SYNPR: variants seen among roughly 807,000 people sequenced by gnomAD.
SYNPR encodes synaptoporin.
Under a neutral mutation model 32.9 loss-of-function variants are expected in SYNPR, and 23 were observed. The ratio of observed to expected loss-of-function variants is 0.70; its 90% CI spans 0.50 to 0.99. The LOEUF is 0.99. SYNPR is among the 50% of genes least tolerant of loss of function. SYNPR has a pLI of 0.00. For synonymous variants in SYNPR, 146 were observed against 135.9 expected, an observed-to-expected ratio of 1.07 and a Z score of -0.52; for missense variants, 318 against 349.3, an observed-to-expected ratio of 0.91 and a Z score of 0.71.
Position 63,469,517 on chromosome 3 carries a change from ACC to A in SYNPR, c.85-11314_85-11313del, listed in dbSNP as rs572078966. On this transcript the variant is annotated intron_variant, in intron 2 of 5. Transcript: ENST00000478300. Reference sequence around the variant, plus strand: ...GAAAAATACCAAGTTCAAAAACACTACCATAGGCAAGAAATTAATTCAGAAGA... The same window carrying A: ...GAAAAATACCAAGTTCAAAAACACTAATAGGCAAGAAATTAATTCAGAAGA... Among the ~76,000 whole-genome samples the A allele has an allele frequency of 2.0e-4, 31 of 152,334 alleles. 1 individual carries two copies. The highest frequency in any genetic ancestry group is 6.8e-3 in the Middle Eastern group (2 of 294).
chr3:63,399,184 G>A (rs184915065), intron 2 of SYNPR, among the ~76,000 whole-genome samples: 35 of 152,298 alleles, frequency 2.3e-4, no homozygotes, highest in Middle Eastern at 6.8e-3. Flanking sequence ...ATTCCTGCAA[G>A]AGGCCATCTG....
chr3:63,450,601 T>A (rs1411176337), intron 2 of SYNPR, among the ~76,000 whole-genome samples: 1 of 152,074 alleles, frequency 6.6e-6, no homozygotes, highest in Non-Finnish European at 1.5e-5. Context: ...AGGTTCCTGG[T>A]TTTTCAACTG....
At chr3:63,257,379 A>G (rs1025513411) in intron 2 of SYNPR, among the ~76,000 whole-genome samples, 5 of 152,214 alleles carry the variant, frequency 3.3e-5, no homozygotes, top group African/African-American at 1.2e-4. Flanking sequence ...CTCAGCAGAA[A>G]CTCTACAAGC....
chr3:63,350,100 G>A (rs992533270), intron 2 of SYNPR, among the ~76,000 whole-genome samples: 1 of 151,874 alleles, frequency 6.6e-6, no homozygotes, highest in Admixed American at 6.6e-5. Flanking sequence ...TCTCATCTAC[G>A]ACATTTTAGG....
At chr3:63,354,516 A>G (rs959726533) in intron 2 of SYNPR, among the ~76,000 whole-genome samples, 3 of 152,204 alleles carry the variant, frequency 2.0e-5, no homozygotes. Flanking sequence ...TGGTGATGGC[A>G]AAGACATAAC....
chr3:63,494,416 T>TAC (rs1553641149), intron 3 of SYNPR, among the ~76,000 whole-genome samples: 5 of 105,764 alleles, frequency 4.7e-5, no homozygotes, highest in South Asian at 2.6e-4. Flanking sequence ...TATATATATA[T>TAC]ACGTATATAT....
intron 2 of SYNPR, among the ~76,000 whole-genome samples, chr3:63,426,534 C>T (rs892060987): frequency 6.6e-6 from 1 of 152,070 alleles, no homozygotes; most frequent in African/African-American, 2.4e-5. Context: ...TATGCAGGCA[C>T]GTATAGGGTG....
At chr3:63,548,054 C>A (rs1183088302) in intron 3 of SYNPR, among the ~76,000 whole-genome samples, 2 of 152,108 alleles carry the variant, frequency 1.3e-5, no homozygotes, top group Non-Finnish European at 2.9e-5. Context: ...GTGGAAGTAA[C>A]AGAGAAGGAT....
upstream of SYNPR, among the ~76,000 whole-genome samples, chr3:63,225,266 G>A (rs2086120096): frequency 6.6e-6 from 1 of 152,204 alleles, no homozygotes; most frequent in Admixed American, 6.5e-5. Flanking sequence ...GTGACTTGGA[G>A]GATGGTCTCT....
intron 2 of SYNPR, among the ~76,000 whole-genome samples, chr3:63,298,579 T>C (rs1001973507): frequency 6.6e-5 from 10 of 152,148 alleles, no homozygotes; most frequent in African/African-American, 2.4e-4. Flanking sequence ...CAGAATTCTC[T>C]GCCTTAGGGA....
At position 63,513,671 on chromosome 3, in the gene SYNPR, T is replaced by A. The variant is rs892528548; in HGVS notation, c.209+32715T>A. On this transcript the variant is annotated intron_variant, in intron 3 of 5. Transcript: ENST00000478300. ...TAGAGCCAAAACTGGTATAGTGGGT[T>A]GAATTGTGCCTCCCAAAAGATATAT... Among the ~76,000 whole-genome samples, 8 of 152,216 alleles carry A rather than the reference T, an allele frequency of 5.3e-5. No homozygotes were observed. The East Asian group carries it at 5.8e-4, about 11-fold the overall frequency.
Position 63,499,348 on chromosome 3 carries a change from T to C in SYNPR, c.209+18392T>C, listed in dbSNP as rs138062177. ...TGGACATGTAAATCTGTGATATTTA[T>C]TAGATGCAATAGTTTTTTTCTTAAT... On this transcript the variant is annotated intron_variant, in intron 3 of 5. Coordinates refer to ENST00000478300, the MANE Select transcript of SYNPR (RefSeq NM_001130003.2). 4.5e-3 allele frequency among the ~76,000 whole-genome samples: 685 copies of C among 152,262 alleles called. 1 individual carries two copies. Among genetic ancestry groups the C allele is most frequent in the Non-Finnish European group, 5.1e-3 (348 of 68,020 alleles).
intron 4 of SYNPR, among the ~76,000 whole-genome samples, chr3:63,566,722 A>G (rs922534999): frequency 1.3e-5 from 2 of 152,200 alleles, no homozygotes; most frequent in African/African-American, 2.4e-5. Flanking sequence ...GAACCTCTCT[A>G]TACTTCTGAG....
At chr3:63,613,783 A>G (rs1327793782) in intron 5 of SYNPR, among the ~76,000 whole-genome samples, 1 of 152,114 alleles carries the variant, frequency 6.6e-6, no homozygotes, top group Non-Finnish European at 1.5e-5. Context: ...CCTTCCAAGA[A>G]AGGAATTCTT....
At chr3:63,202,726 G>T in the SYNPR span, among the ~76,000 whole-genome samples, 1 of 152,098 alleles carries the variant, frequency 6.6e-6, no homozygotes, top group Admixed American at 6.6e-5. Context: ...TTGAGCATTG[G>T]AGCTATGCTC....
intron 2 of SYNPR, among the ~76,000 whole-genome samples, chr3:63,428,564 C>T (rs1179841285): frequency 6.6e-6 from 1 of 152,192 alleles, no homozygotes; most frequent in Non-Finnish European, 1.5e-5. Context: ...TTTATTATTG[C>T]TCATTTGTCT....
chr3:63,598,421 C>A (rs1282076893), intron 4 of SYNPR, among the ~76,000 whole-genome samples: 2 of 152,148 alleles, frequency 1.3e-5, no homozygotes, highest in Non-Finnish European at 1.5e-5. Context: ...TGGAAACAAA[C>A]CACCCAGCCA....
At chr3:63,261,993 G>A (rs532408711) in intron 2 of SYNPR, among the ~76,000 whole-genome samples, 32 of 150,352 alleles carry the variant, frequency 2.1e-4, no homozygotes, top group African/African-American at 7.3e-4. Context: ...AAACTTGCAC[G>A]TTGTGCACAT....
At chr3:63,560,568 A>G (rs1270892959) in intron 4 of SYNPR, among the ~76,000 whole-genome samples, 1 of 152,212 alleles carries the variant, frequency 6.6e-6, no homozygotes, top group Non-Finnish European at 1.5e-5. Flanking sequence ...GTATTAGTCC[A>G]TTCTCACACT....
Sources: gnomAD v4.1 joint callset for allele counts (sites outside exome capture counted in the v4.1 genomes callset) on GRCh38, gnomAD v4.1.1 for gene constraint, MANE v1.5 for transcripts, NCBI Gene and HGNC (gene_info 2026-07-23, HGNC 2026-07-21) for gene names.